The following COG6 variants were observed in gnomAD, a reference collection of about 807,000 sequenced individuals.
The protein encoded by COG6 is component of oligomeric golgi complex 6.
In COG6, 74 loss-of-function variants were observed where a neutral mutation model predicts 88.8. That is an observed-to-expected ratio of 0.83 (90% CI 0.69 to 1.01). The LOEUF (loss-of-function observed/expected upper bound fraction) is 1.01. COG6 is among the 50% of genes least tolerant of loss of function. The pLI is 0.00. For missense variants in COG6, 800 were observed against 797.9 expected (o/e 1.00, Z -0.03); for synonymous variants, 286 against 278.7 (o/e 1.03, Z -0.26).
At chr13:39,656,118 T>C (rs1287222822) in intron 1 of COG6, 3 of 660,294 alleles carry the variant, frequency 4.5e-6, no homozygotes, top group Non-Finnish European at 8.4e-6. Context: ...CCTGAAAAGG[T>C]GCCTTCAAGG....
chr13:39,760,566 A>G (rs957642968), intron 18 of COG6, among the ~76,000 whole-genome samples: 1 of 152,188 alleles, frequency 6.6e-6, no homozygotes, highest in Non-Finnish European at 1.5e-5. Flanking sequence ...TCTCCACTGA[A>G]CTATTAATAG....
Position 39,655,725 on chromosome 13 carries a change from C to G in COG6, c.-2C>G. On this transcript the variant is annotated 5_prime_UTR_variant, in exon 1 of 19. Transcript: ENST00000455146. ...GCAGCAGGGGGCGGGACGCGCAGCG[C>G]TATGGCAGAGGGCAGCGGGGAAGTG... is the stretch of plus-strand genomic sequence containing the variant. The G allele has an allele frequency of 6.3e-7, 1 of 1,591,780 alleles. No homozygotes were observed.
intron 11 of COG6, among the ~76,000 whole-genome samples, 196 bp from the exon 12 acceptor site, chr13:39,694,438 A>G (rs1286174625): frequency 6.6e-6 from 1 of 151,808 alleles, no homozygotes; most frequent in African/African-American, 2.4e-5. Flanking sequence ...AGATTTTTGT[A>G]GAGTATATCT....
chr13:39,744,259 T>C (rs1418682805), intron 18 of COG6, among the ~76,000 whole-genome samples: 1 of 152,126 alleles, frequency 6.6e-6, no homozygotes, highest in East Asian at 1.9e-4. Context: ...GCCAGGGCAA[T>C]CAGGCAAGAG....
intron 18 of COG6, among the ~76,000 whole-genome samples, chr13:39,737,162 A>G (rs1034364014): frequency 6.6e-6 from 1 of 152,046 alleles, no homozygotes; most frequent in Non-Finnish European, 1.5e-5. Context: ...ACTTTCCCCC[A>G]GGCAAATAGA....
At chr13:39,741,295 A>G (rs1332910384) in intron 18 of COG6, among the ~76,000 whole-genome samples, 1 of 151,418 alleles carries the variant, frequency 6.6e-6, no homozygotes, top group African/African-American at 2.5e-5. Context: ...AAAGTCGATA[A>G]TAACAAACTT....
chr13:39,759,428 C>G (rs1000724255), intron 18 of COG6, among the ~76,000 whole-genome samples: 2 of 151,950 alleles, frequency 1.3e-5, no homozygotes, highest in Admixed American at 1.3e-4. Context: ...ACACTATGGA[C>G]TTTAAAATAA....
chr13:39,692,856 A>G (rs373157889), intron 11 of COG6, among the ~76,000 whole-genome samples: 1 of 151,988 alleles, frequency 6.6e-6, no homozygotes, highest in African/African-American at 2.4e-5. Context: ...GGTCTGTTCC[A>G]ACATACTTTA....
intron 13 of COG6, among the ~76,000 whole-genome samples, chr13:39,704,187 A>G (rs1877748845): frequency 6.6e-6 from 1 of 152,130 alleles, no homozygotes; most frequent in African/African-American, 2.4e-5. Context: ...TTTATTAGTC[A>G]TGTAAAAGTT....
At chr13:39,661,617 G>A (rs764011052) in intron 3 of COG6, among the ~76,000 whole-genome samples, 4 of 152,042 alleles carry the variant, frequency 2.6e-5, no homozygotes, top group Non-Finnish European at 4.4e-5. Flanking sequence ...TTCTGGTCTT[G>A]TCTAAATTTT....
chr13:39,729,743 C>A (rs1361401210), intron 18 of COG6, among the ~76,000 whole-genome samples: 1 of 152,160 alleles, frequency 6.6e-6, no homozygotes, highest in Non-Finnish European at 1.5e-5. Flanking sequence ...AGAAAGTGGG[C>A]ATTTTCACAC....
At chr13:39,712,221 T>C (rs1308918827) in intron 13 of COG6, among the ~76,000 whole-genome samples, 2 of 152,180 alleles carry the variant, frequency 1.3e-5, no homozygotes, top group Admixed American at 6.5e-5. Flanking sequence ...CTTAATTCTT[T>C]TTTTTGGAAA....
chr13:39,663,673 A>G (rs1216710309), intron 3 of COG6, among the ~76,000 whole-genome samples: 2 of 152,078 alleles, frequency 1.3e-5, no homozygotes, highest in Non-Finnish European at 1.5e-5. Context: ...CTGAGGCAGA[A>G]TGATCCTTTG....
At chr13:39,774,597 CAG>C (rs1413021047) in intron 18 of COG6, among the ~76,000 whole-genome samples, 1 of 150,696 alleles carries the variant, frequency 6.6e-6, no homozygotes, top group African/African-American at 2.4e-5. Context: ...TTTTTTGAGA[CAG>C]AGTCTCGCTC....
chr13:39,720,547 AT>A (rs1315064713), intron 15 of COG6, among the ~76,000 whole-genome samples: 3 of 151,976 alleles, frequency 2.0e-5, no homozygotes, highest in African/African-American at 2.4e-5. Context: ...CTAATTTTTA[AT>A]TTTTTCTTTT....
Position 39,682,102 on chromosome 13 carries a change from G to A in COG6, c.695-69G>A, listed in dbSNP as rs1876346708. ...TGTTTGCCATAGAATTTAGACTCCT[G>A]GAATGCAACAGACATAATAAACATC... On this transcript the variant is annotated intron_variant, in intron 7 of 18. Transcript: ENST00000455146. 2.7e-6 allele frequency: 3 copies of A among 1,102,592 alleles called. No homozygotes were observed. The African/African-American group carries it at 4.7e-5, about 17-fold the overall frequency. 68.3% of individuals were successfully genotyped at this position (1,102,592 alleles called of 1,614,324 possible).
chr13:39,680,545 A>C (rs1482230071), intron 7 of COG6, among the ~76,000 whole-genome samples: 1 of 152,218 alleles, frequency 6.6e-6, no homozygotes, highest in African/African-American at 2.4e-5. Context: ...GGTTCTCACT[A>C]TGCTAAAATC....
chr13:39,724,618 T>C (rs1484943226), intron 17 of COG6, 57 bp downstream of exon 17: 1 of 1,297,364 alleles, frequency 7.7e-7, no homozygotes, highest in Non-Finnish European at 1.1e-6. Context: ...ATAGTCTTCA[T>C]TTTTTGCTGT....
chr13:39,740,257 A>C (rs1442597692), intron 18 of COG6, among the ~76,000 whole-genome samples: 1 of 152,178 alleles, frequency 6.6e-6, no homozygotes, highest in Non-Finnish European at 1.5e-5. Flanking sequence ...ATACTTCTGA[A>C]CATCTCCATA....
Sources: gnomAD v4.1 joint callset for allele counts (sites outside exome capture counted in the v4.1 genomes callset) on GRCh38, gnomAD v4.1.1 for gene constraint, MANE v1.5 for transcripts, NCBI Gene and HGNC (gene_info 2026-07-23, HGNC 2026-07-21) for gene names.